LYPLA1: variants seen among roughly 807,000 people sequenced by gnomAD.
LYPLA1 encodes the protein acyl-protein thioesterase 1.
A neutral mutation model predicts 34.0 loss-of-function variants in LYPLA1; 17 were observed. The observed-to-expected ratio is 0.50, with a 90% CI of 0.34 to 0.75. The LOEUF is 0.75. Ranked by LOEUF, LYPLA1 falls within the 30% of genes least tolerant of loss-of-function variation. The pLI is 0.01. For synonymous variants in LYPLA1, 98 were observed against 100.8 expected, an observed-to-expected ratio of 0.97 and a Z score of 0.17; for missense variants, 203 against 288.8, an observed-to-expected ratio of 0.70 and a Z score of 2.15.
chr8:54,095,684 G>A (rs1396300781), intron 2 of LYPLA1, among the ~76,000 whole-genome samples: 1 of 151,648 alleles, frequency 6.6e-6, no homozygotes, highest in Non-Finnish European at 1.5e-5. Context: ...TGTCAAAAAG[G>A]TATAAATCAC....
intron 2 of LYPLA1, among the ~76,000 whole-genome samples, chr8:54,070,145 A>G (rs773826585): frequency 3.3e-5 from 5 of 152,214 alleles, no homozygotes; most frequent in Admixed American, 6.5e-5. Flanking sequence ...TCTATACCGA[A>G]GAATAGTGAA....
intron 2 of LYPLA1, among the ~76,000 whole-genome samples, chr8:54,092,704 G>C (rs1404545925): frequency 6.6e-6 from 1 of 152,132 alleles, no homozygotes; most frequent in African/African-American, 2.4e-5. Context: ...AATTCTGGCT[G>C]GGTGTAGTGG....
rs1240742293 is a variant in LYPLA1, at chr8:54,047,817, A to G, written c.*248T>C. 2.8e-6 allele frequency: 1 copy of G among 357,866 alleles called. No homozygotes were observed. Among genetic ancestry groups the G allele is most frequent in the African/African-American group, 2.1e-5 (1 of 47,714 alleles). The allele number at this position is 357,866 out of a possible 1,614,324, so 22.2% of individuals were successfully genotyped here. On this transcript the variant is annotated 3_prime_UTR_variant, in exon 9 of 9. Coordinates refer to ENST00000316963, the MANE Select transcript of LYPLA1 (RefSeq NM_006330.4). The stretch of plus-strand genomic sequence containing the variant: ...TTTGCTGAATTACATTTGAGAAAAA[A>G]GAAGCTACCTGCTTCATCTATTCTA...
At chr8:54,076,396 T>C (rs1807906728) in intron 2 of LYPLA1, among the ~76,000 whole-genome samples, 2 of 152,218 alleles carry the variant, frequency 1.3e-5, no homozygotes, top group South Asian at 4.1e-4. Flanking sequence ...GTGCTTTTAA[T>C]CTATGTTATT....
intron 7 of LYPLA1, 88 bp from the exon 8 acceptor site, chr8:54,051,276 T>A: frequency 9.1e-7 from 1 of 1,093,024 alleles, no homozygotes; most frequent in Non-Finnish European, 1.3e-6. Flanking sequence ...TAAATATGCA[T>A]ATATATAACA....
At chr8:54,094,526 T>A (rs1168230705) in intron 2 of LYPLA1, among the ~76,000 whole-genome samples, 1 of 152,208 alleles carries the variant, frequency 6.6e-6, no homozygotes. Context: ...ATTGGAGGAA[T>A]CATTATAAAC....
chr8:54,050,422 G>T (rs1158257273), intron 8 of LYPLA1, among the ~76,000 whole-genome samples: 1 of 152,160 alleles, frequency 6.6e-6, no homozygotes. Flanking sequence ...GCTTCCTGCT[G>T]CCTAGAGAGT....
At chr8:54,093,648 T>C (rs1245105255) in intron 2 of LYPLA1, among the ~76,000 whole-genome samples, 2 of 152,248 alleles carry the variant, frequency 1.3e-5, no homozygotes, top group Non-Finnish European at 2.9e-5. Flanking sequence ...CTAATACATG[T>C]GGTGATTGAT....
At chr8:54,081,312 T>C (rs1808300358) in intron 2 of LYPLA1, among the ~76,000 whole-genome samples, 1 of 152,134 alleles carries the variant, frequency 6.6e-6, no homozygotes, top group Admixed American at 6.6e-5. Context: ...CTTAACTGTG[T>C]TTATGTCTTA....
chr8:54,046,866 A>G lies in LYPLA1; in HGVS notation c.*1199T>C, dbSNP rs576039248. The G allele has an allele frequency of 6.6e-6, 1 of 152,174 alleles. No homozygotes were observed. Among genetic ancestry groups the G allele is most frequent in the Non-Finnish European group, 1.5e-5 (1 of 67,986 alleles). 9.4% of individuals were successfully genotyped at this position (152,174 alleles called of 1,614,324 possible). On this transcript the variant is annotated 3_prime_UTR_variant, in exon 9 of 9. Transcript: ENST00000316963. ...AATCTGGAAATTTTGACAATTTAAAATGATTGCTATTTTTATGTCTGCATC... is the reference window on the plus strand; with the variant it reads ...AATCTGGAAATTTTGACAATTTAAAGTGATTGCTATTTTTATGTCTGCATC...
chr8:54,080,884 G>A (rs1808267093), intron 2 of LYPLA1, among the ~76,000 whole-genome samples: 2 of 152,094 alleles, frequency 1.3e-5, no homozygotes, highest in African/African-American at 2.4e-5. Context: ...CACTGTGCCT[G>A]GCCAAAAATT....
In LYPLA1 at chr8:54,059,453, C is replaced by T. The variant is rs952471685; in HGVS notation, c.286+2801G>A. ...CCGAGTAGCTGGGACTACAGGCGCC[C>T]GCCACCGCGCCCGGCTAATTTTTTG... On this transcript the variant is annotated intron_variant, in intron 5 of 8. Coordinates refer to ENST00000316963, the MANE Select transcript of LYPLA1 (RefSeq NM_006330.4). Among the ~76,000 whole-genome samples the T allele has an allele frequency of 2.8e-4, 33 of 118,658 alleles. 4 individuals are homozygous for T. Among genetic ancestry groups the T allele is most frequent in the Non-Finnish European group, 4.3e-4 (28 of 64,514 alleles). The allele number at this position is 118,658 out of a possible 152,430, so 77.8% of individuals were successfully genotyped here.
At chr8:54,061,920 A>G (rs1230444936) in intron 5 of LYPLA1, among the ~76,000 whole-genome samples, 1 of 152,110 alleles carries the variant, frequency 6.6e-6, no homozygotes, top group African/African-American at 2.4e-5. Flanking sequence ...CAGTGGGGCG[A>G]TCTCAGCTCA....
intron 2 of LYPLA1, chr8:54,073,281 G>A: frequency 1.1e-6 from 1 of 891,606 alleles, no homozygotes; most frequent in Non-Finnish European, 1.9e-6. Context: ...GCATGCTGGG[G>A]TCCTTCTGTG....
chr8:54,092,247 G>A (rs1809343988), intron 2 of LYPLA1, among the ~76,000 whole-genome samples: 1 of 150,374 alleles, frequency 6.7e-6, no homozygotes, highest in Non-Finnish European at 1.5e-5. Flanking sequence ...GAGAAAGAAG[G>A]AAGAGAAGGA....
At chr8:54,073,145 G>C in intron 2 of LYPLA1, 1 of 733,456 alleles carries the variant, frequency 1.4e-6, no homozygotes. Context: ...CTGGCCTTCA[G>C]AGATGACAGC....
intron 5 of LYPLA1, among the ~76,000 whole-genome samples, chr8:54,055,645 ATTTT>A (rs201781407): frequency 7.0e-6 from 1 of 142,238 alleles, no homozygotes. Context: ...AATCCTAATT[ATTTT>A]TTTTTTTTTT....
At chr8:54,080,111 C>T (rs1012171206) in intron 2 of LYPLA1, among the ~76,000 whole-genome samples, 3 of 151,908 alleles carry the variant, frequency 2.0e-5, no homozygotes, top group Non-Finnish European at 2.9e-5. Context: ...TCAGGCTGGG[C>T]GTGGTGGCTC....
intron 2 of LYPLA1, among the ~76,000 whole-genome samples, chr8:54,083,800 A>G (rs1434972909): frequency 6.6e-6 from 1 of 152,242 alleles, no homozygotes; most frequent in Non-Finnish European, 1.5e-5. Context: ...AGCAAAGGCA[A>G]TGCTCAAATG....
Sources: gnomAD v4.1 joint callset for allele counts (sites outside exome capture counted in the v4.1 genomes callset) on GRCh38, gnomAD v4.1.1 for gene constraint, MANE v1.5 for transcripts, NCBI Gene and HGNC (gene_info 2026-07-23, HGNC 2026-07-21) for gene names.